Variants in USH2A observed in about 807,000 individuals in gnomAD.
USH2A encodes usherin.
Under a neutral mutation model 538.9 loss-of-function variants are expected in USH2A, and 443 were observed. The ratio of observed to expected loss-of-function variants is 0.82; its 90% CI spans 0.76 to 0.89. The LOEUF is 0.89. USH2A is among the 40% of genes least tolerant of loss of function. USH2A has a pLI of 0.00. For synonymous variants in USH2A, 2,413 were observed against 2,273.5 expected (o/e 1.06, Z -1.75); for missense variants, 6,633 against 6,324.8 (o/e 1.05, Z -1.65).
intron 5 of USH2A, 34 bp from the exon 6 acceptor site, chr1:216,325,633 A>C (rs1571704191): frequency 6.3e-7 from 1 of 1,599,454 alleles, no homozygotes; most frequent in East Asian, 2.3e-5. Context: ...GTAAGGACAA[A>C]GAGCTTAACA....
At chr1:215,912,409 TA>T (rs1363114189) in intron 38 of USH2A, among the ~76,000 whole-genome samples, 2 of 149,210 alleles carry the variant, frequency 1.3e-5, no homozygotes, top group African/African-American at 4.9e-5. Context: ...TTTTATTCTT[TA>T]AAAAAATTTC....
intron 30 of USH2A, among the ~76,000 whole-genome samples, chr1:216,069,034 A>C (rs1315126922): frequency 6.6e-6 from 1 of 152,110 alleles, no homozygotes; most frequent in Non-Finnish European, 1.5e-5. Flanking sequence ...AATGAGGAGA[A>C]TGGGGGAAGG....
chr1:215,981,044 A>G (rs1398220179), intron 35 of USH2A, among the ~76,000 whole-genome samples: 1 of 152,172 alleles, frequency 6.6e-6, no homozygotes, highest in Admixed American at 6.5e-5. Context: ...ATTCTAGTGT[A>G]CATGTGAGTC....
Position 215,867,930 on chromosome 1 carries a change from G to A in USH2A, c.8682-760C>T, listed in dbSNP as rs546465315. Among the ~76,000 whole-genome samples the A allele has an allele frequency of 6.8e-4, 103 of 152,170 alleles. 1 individual carries two copies. Among genetic ancestry groups the A allele is most frequent in the African/African-American group, 2.4e-3 (99 of 41,526 alleles). On this transcript the variant is annotated intron_variant, in intron 43 of 71. Transcript: ENST00000307340. ...CCAGTTTTGGGCAGAAGACCATCAGGCTTCCTTTGCTTGGTTCAGAACTAC... is the reference window on the plus strand; with the variant it reads ...CCAGTTTTGGGCAGAAGACCATCAGACTTCCTTTGCTTGGTTCAGAACTAC...
intron 21 of USH2A, among the ~76,000 whole-genome samples, chr1:216,098,154 C>A (rs1324065437): frequency 1.3e-5 from 2 of 152,192 alleles, no homozygotes; most frequent in Non-Finnish European, 2.9e-5. Flanking sequence ...TACATGGCCC[C>A]ATCTCCACTC....
rs200372118 is a variant in USH2A at position 215,782,813 on chromosome 1, G to C, written c.10510C>G (p.Pro3504Ala). Residue 3504 changes from proline to alanine, a missense_variant, in exon 53 of 72, where the codon CCC becomes GCC. Pro to Ala is a conservative substitution (Grantham distance 27). Transcript: ENST00000307340. Reference sequence around the variant, plus strand: ...TTGTCTATTTTGGTCCACGTAGGGGGACTCACTCCTTGAGGCACATCTTCT... The same window carrying C: ...TTGTCTATTTTGGTCCACGTAGGGGCACTCACTCCTTGAGGCACATCTTCT... ...TKEDVPQGVS[P>A]PTWTKIDNLE... The C allele has an allele frequency of 9.8e-4, 1,578 of 1,613,950 alleles. 23 individuals carry two copies. The South Asian group carries it at 0.012, about 13-fold the overall frequency.
At position 216,077,199 on chromosome 1, in the gene USH2A, A is replaced by G. The variant is rs569670755; in HGVS notation, c.5572+890T>C. Among the ~76,000 whole-genome samples the G allele has an allele frequency of 1.0e-3, 158 of 152,266 alleles. 1 individual carries two copies. The highest frequency in any genetic ancestry group is 3.5e-3 in the African/African-American group (144 of 41,562). On this transcript the variant is annotated intron_variant, in intron 27 of 71. Transcript: ENST00000307340. The stretch of plus-strand genomic sequence containing the variant: ...CCATGACTGCCACAAGAAATGATAC[A>G]CAGATATTGTTAGCCTTTTCAAATT...
intron 30 of USH2A, among the ~76,000 whole-genome samples, chr1:216,059,964 C>A (rs1166750001): frequency 6.6e-6 from 1 of 152,140 alleles, no homozygotes; most frequent in Non-Finnish European, 1.5e-5. Context: ...TGGGAATTTT[C>A]AGAAGTTCAG....
In USH2A at chr1:215,641,206, AT is replaced by A. The variant is rs960176715; in HGVS notation, c.14792-473del. The stretch of plus-strand genomic sequence containing the variant: ...CCCAAGGACTAGATGAAGTTAATAT[AT>A]TTTTTTCTCCAAACCAAACTGCTTA... On this transcript the variant is annotated intron_variant, in intron 67 of 71. Coordinates refer to ENST00000307340, the MANE Select transcript of USH2A (RefSeq NM_206933.4). Among the ~76,000 whole-genome samples, 4 of 152,200 alleles carry A rather than the reference AT, an allele frequency of 2.6e-5. No homozygotes were observed. The East Asian group carries it at 5.8e-4, about 22-fold the overall frequency.
intron 18 of USH2A, among the ~76,000 whole-genome samples, chr1:216,197,611 A>G (rs988207980): frequency 1.3e-5 from 2 of 152,192 alleles, no homozygotes; most frequent in African/African-American, 2.4e-5. Context: ...TAACAGGTCA[A>G]GTTTAGATCA....
At chr1:215,804,388 G>A (rs1444091502) in intron 49 of USH2A, among the ~76,000 whole-genome samples, 3 of 152,062 alleles carry the variant, frequency 2.0e-5, no homozygotes, top group Non-Finnish European at 2.9e-5. Flanking sequence ...CTACTCATCT[G>A]ACAAAGGGCT....
intron 9 of USH2A, among the ~76,000 whole-genome samples, chr1:216,303,356 T>C (rs2037250157): frequency 6.6e-6 from 1 of 151,984 alleles, no homozygotes; most frequent in Non-Finnish European, 1.5e-5. Flanking sequence ...AAAAGCTTCA[T>C]TCATTATATT....
chr1:215,786,996 A>G, intron 51 of USH2A, 122 bp from the exon 52 acceptor site: 11 of 877,562 alleles, frequency 1.3e-5, no homozygotes, highest in Non-Finnish European at 1.1e-5. Flanking sequence ...ATGAATGAAT[A>G]TTTCAAAATT....
Position 215,930,173 on chromosome 1 carries a change from C to G in USH2A, c.7300+4443G>C, listed in dbSNP as rs548949601. Among the ~76,000 whole-genome samples, 69 of 152,110 alleles carry G rather than the reference C, an allele frequency of 4.5e-4. 1 individual carries two copies. Among genetic ancestry groups the G allele is most frequent in the Non-Finnish European group, 5.3e-4 (36 of 67,932 alleles). On this transcript the variant is annotated intron_variant, in intron 38 of 71. Coordinates refer to ENST00000307340, the MANE Select transcript of USH2A (RefSeq NM_206933.4). ...TTAGGTTCACAAACCAGGGTGGCTC[C>G]AAGTTCCTTTCACTGTTACAATAAA...
At chr1:215,940,942 T>C (rs1327072449) in intron 37 of USH2A, among the ~76,000 whole-genome samples, 1 of 151,948 alleles carries the variant, frequency 6.6e-6, no homozygotes, top group African/African-American at 2.4e-5. Flanking sequence ...GACAACTCTA[T>C]AGATATCGAG....
intron 70 of USH2A, among the ~76,000 whole-genome samples, chr1:215,631,227 A>AGTGTGTGTGTGTGTGTGT (rs145355299): frequency 0.015 from 2,223 of 148,506 alleles, 43 homozygotes; most frequent in African/African-American, 0.05. Context: ...GAGGGGGAGA[A>AGTGTGTGTGTGTGTGTGT]GTGTGTGTGT....
At chr1:216,364,921 A>C in intron 4 of USH2A, 32 bp downstream of exon 4, 2 of 1,612,190 alleles carry the variant, frequency 1.2e-6, no homozygotes, top group Non-Finnish European at 1.7e-6. Flanking sequence ...TAATTGGATG[A>C]AATAAATAAC....
intron 27 of USH2A, among the ~76,000 whole-genome samples, chr1:216,076,619 A>C (rs2031761876): frequency 6.6e-6 from 1 of 152,144 alleles, no homozygotes; most frequent in Non-Finnish European, 1.5e-5. Context: ...AACCTGGAGA[A>C]GCTCTTATAT....
intron 55 of USH2A, 139 bp downstream of exon 55, chr1:215,779,703 TG>T: frequency 3.1e-6 from 3 of 979,828 alleles, no homozygotes; most frequent in Non-Finnish European, 4.7e-6. Context: ...CATGGATAAG[TG>T]GGACCTGACC....
Sources: allele counts gnomAD v4.1 joint callset (sites outside exome capture counted in the v4.1 genomes callset), GRCh38; gene constraint gnomAD v4.1.1; transcripts MANE v1.5; gene names NCBI Gene and HGNC (gene_info 2026-07-23, HGNC 2026-07-21).